The following LNX1 variants were observed in gnomAD, a reference collection of about 807,000 sequenced individuals.
The protein encoded by LNX1 is E3 ubiquitin-protein ligase LNX.
LNX1 carries 54 observed loss-of-function variants against 68.4 expected under a neutral mutation model. The observed-to-expected ratio is 0.79, with a 90% confidence interval of 0.63 to 0.99. The LOEUF is 0.99. Ranked by LOEUF, LNX1 falls within the 50% of genes least tolerant of loss-of-function variation. The pLI is 0.00. For missense variants in LNX1, 906 were observed against 926.4 expected (o/e 0.98, Z 0.29); for synonymous variants, 336 against 350.0 (o/e 0.96, Z 0.45).
At chr4:53,580,534 G>A (rs1397831004) in intron 1 of LNX1, among the ~76,000 whole-genome samples, 2 of 152,204 alleles carry the variant, frequency 1.3e-5, no homozygotes, top group Non-Finnish European at 2.9e-5. Context: ...GCTGTTACTG[G>A]AGTGGGTAGA....
At chr4:53,532,608 C>T (rs569019273) in intron 2 of LNX1, among the ~76,000 whole-genome samples, 4 of 152,184 alleles carry the variant, frequency 2.6e-5, no homozygotes, top group African/African-American at 7.2e-5. Context: ...TGATAGTCCC[C>T]ATAGGAAATT....
In LNX1 at chr4:53,461,542, A is replaced by ACTT. The variant is rs752128999; in HGVS notation, c.1941_1943dup (p.Gly647_Ser648insArg). 4 of 1,612,128 alleles carry ACTT rather than the reference A, an allele frequency of 2.5e-6. No individual in the cohort carries two copies. In the Admixed American group the frequency reaches 5.0e-5, roughly 20 times the overall value. ...AACCTCCTACAATGCAGAAGCCCAG[A>ACTT]CTTCCAGCTGTGTTTCTTCGTAATA... is the stretch of plus-strand genomic sequence containing the variant. On this transcript the variant is annotated inframe_insertion, in exon 10 of 11. Coordinates refer to ENST00000263925, the MANE Select transcript of LNX1 (RefSeq NM_001126328.3).
At chr4:53,527,247 G>A (rs932169815) in intron 2 of LNX1, among the ~76,000 whole-genome samples, 2 of 152,092 alleles carry the variant, frequency 1.3e-5, no homozygotes, top group Non-Finnish European at 2.9e-5. Flanking sequence ...ATTTCTACAT[G>A]TTCAGTGAAC....
chr4:53,468,560 G>C (rs190126975), intron 9 of LNX1, among the ~76,000 whole-genome samples: 1 of 152,262 alleles, frequency 6.6e-6, no homozygotes, highest in Non-Finnish European at 1.5e-5. Context: ...ACTGGATAAA[G>C]TCAAGACCCA....
At chr4:53,593,819 G>C, upstream of LNX1, 1 of 152,302 alleles carries the variant, frequency 6.6e-6, no homozygotes, top group East Asian at 1.9e-4. Flanking sequence ...CCTGTGTCAG[G>C]TATCATTGCT....
At chr4:53,568,355 T>A (rs1160271642) in intron 2 of LNX1, among the ~76,000 whole-genome samples, 1 of 151,726 alleles carries the variant, frequency 6.6e-6, no homozygotes, top group Non-Finnish European at 1.5e-5. Context: ...CGCAAATCAA[T>A]AAATGTAATC....
At chr4:53,564,826 A>G (rs1411489346) in intron 2 of LNX1, among the ~76,000 whole-genome samples, 1 of 152,232 alleles carries the variant, frequency 6.6e-6, no homozygotes, top group Non-Finnish European at 1.5e-5. Context: ...GCATTGCCTC[A>G]CTTGGGAAGC....
At chr4:53,638,142 G>T (rs370303260) in intron 1 of LNX1, among the ~76,000 whole-genome samples, 1 of 152,122 alleles carries the variant, frequency 6.6e-6, no homozygotes, top group Non-Finnish European at 1.5e-5. Flanking sequence ...TTGTCATTGG[G>T]CATATTTTGT....
intron 1 of LNX1, among the ~76,000 whole-genome samples, chr4:53,637,845 C>T (rs774294063): frequency 2.4e-4 from 37 of 152,174 alleles, no homozygotes; most frequent in Admixed American, 4.6e-4. Flanking sequence ...AGGCTGCTGA[C>T]GGAGATTAGA....
intron 1 of LNX1, among the ~76,000 whole-genome samples, chr4:53,651,347 G>T (rs1489747006): frequency 6.6e-6 from 1 of 152,308 alleles, no homozygotes; most frequent in East Asian, 1.9e-4. Context: ...CTTGCACCAC[G>T]CCCTGACACA....
rs1373502518 is a variant in LNX1 at position 53,496,271 on chromosome 4, G to T, written c.1102C>A (p.Gln368Lys). Residue 368 changes from glutamine to lysine, a missense_variant, in exon 6 of 11, where the codon CAG (glutamine) becomes AAG (lysine). Physicochemically the swap from Gln to Lys is moderately conservative, Grantham distance 53. Transcript: ENST00000263925. ...EQKFRSRNNG[Q>K]APDAYRPRDD... ...CGGGGTCTGTAGGCATCCGGGGCCT[G>T]TCCATTGTTCCTGCTGCGGAACTTC... is the stretch of plus-strand genomic sequence containing the variant. 1.2e-6 allele frequency: 2 copies of T among 1,614,142 alleles called. No homozygotes were observed. Among genetic ancestry groups the T allele is most frequent in the East Asian group, 2.2e-5 (1 of 44,874 alleles).
At position 53,510,878 on chromosome 4, in the gene LNX1, G is replaced by A. The variant is rs575339187; in HGVS notation, c.381-2651C>T. On this transcript the variant is annotated intron_variant, in intron 2 of 10. Transcript: ENST00000263925. ...TGGCTTTGTTGGGAGGACACAGCAT[G>A]TCCTAGTAAAAGAAACTGGCACCTT... 7.2e-5 allele frequency among the ~76,000 whole-genome samples: 11 copies of A among 152,320 alleles called. No individual in the cohort carries two copies. In the South Asian group the frequency reaches 2.1e-3, roughly 29 times the overall value.
At chr4:53,649,027 A>C (rs1734994532) in intron 1 of LNX1, among the ~76,000 whole-genome samples, 1 of 152,202 alleles carries the variant, frequency 6.6e-6, no homozygotes, top group African/African-American at 2.4e-5. Context: ...GAAACGATAA[A>C]AAAATTATGG....
intron 1 of LNX1, among the ~76,000 whole-genome samples, chr4:53,625,941 A>G (rs1734060380): frequency 6.6e-6 from 1 of 152,108 alleles, no homozygotes; most frequent in Non-Finnish European, 1.5e-5. Flanking sequence ...GTACACAAAC[A>G]TTCATAGCAA....
At chr4:53,513,248 A>T (rs1480551191) in intron 2 of LNX1, among the ~76,000 whole-genome samples, 1 of 152,066 alleles carries the variant, frequency 6.6e-6, no homozygotes, top group Non-Finnish European at 1.5e-5. Flanking sequence ...GCTCATATCT[A>T]TTGATCTTTT....
At chr4:53,619,346 T>C (rs993327330), upstream of LNX1, among the ~76,000 whole-genome samples, 13 of 152,126 alleles carry the variant, frequency 8.5e-5, no homozygotes. Flanking sequence ...TCATACCCCA[T>C]TCCCTCATTC....
chr4:53,512,354 T>C (rs1453201172), intron 2 of LNX1, among the ~76,000 whole-genome samples: 2 of 134,544 alleles, frequency 1.5e-5, no homozygotes, highest in African/African-American at 2.8e-5. Flanking sequence ...GCTCCAGAGA[T>C]GGCACATTCT....
chr4:53,522,434 C>A (rs1727293257), intron 2 of LNX1, among the ~76,000 whole-genome samples: 1 of 152,178 alleles, frequency 6.6e-6, no homozygotes, highest in Non-Finnish European at 1.5e-5. Flanking sequence ...AGTTAGCAAT[C>A]CAACACAGAA....
upstream of LNX1, among the ~76,000 whole-genome samples, chr4:53,595,736 C>A (rs1222832046): frequency 7.2e-5 from 11 of 152,180 alleles, no homozygotes; most frequent in Admixed American, 2.6e-4. Context: ...GGAAGGAGGT[C>A]TGTCTTCAAA....
Sources: allele counts gnomAD v4.1 joint callset (sites outside exome capture counted in the v4.1 genomes callset), GRCh38; gene constraint gnomAD v4.1.1; transcripts MANE v1.5; gene names NCBI Gene and HGNC (gene_info 2026-07-23, HGNC 2026-07-21).